KCNK10: variants seen among roughly 807,000 people sequenced by gnomAD.
KCNK10 encodes potassium channel subfamily K member 10.
KCNK10 carries 25 observed loss-of-function variants against 47.7 expected under a neutral mutation model. That is an observed-to-expected ratio of 0.52 (90% CI 0.38 to 0.73). KCNK10 has a LOEUF of 0.73. Ranked by LOEUF, KCNK10 falls within the 30% of genes least tolerant of loss-of-function variation. KCNK10 has a pLI of 0.00. For missense variants in KCNK10, 563 were observed against 714.5 expected, an observed-to-expected ratio of 0.79 and a Z score of 2.42; for synonymous variants, 303 against 285.6, an observed-to-expected ratio of 1.06 and a Z score of -0.61.
At chr14:88,241,909 C>T (rs1291000398) in intron 2 of KCNK10, among the ~76,000 whole-genome samples, 1 of 152,190 alleles carries the variant, frequency 6.6e-6, no homozygotes, top group Non-Finnish European at 1.5e-5. Context: ...TGAGCTGGCC[C>T]CTGCCATCTT....
At chr14:88,220,976 G>C (rs562324929) in intron 4 of KCNK10, among the ~76,000 whole-genome samples, 2 of 151,802 alleles carry the variant, frequency 1.3e-5, no homozygotes, top group South Asian at 4.2e-4. Context: ...AAAATGCAAA[G>C]GATATACTTG....
chr14:88,313,270 GA>G (rs1161309604), intron 1 of KCNK10, among the ~76,000 whole-genome samples: 5 of 152,140 alleles, frequency 3.3e-5, no homozygotes, highest in African/African-American at 7.2e-5. Context: ...TAAATGATAG[GA>G]AAAAATTCTT....
chr14:88,278,324 C>T (rs1887572087), intron 1 of KCNK10, among the ~76,000 whole-genome samples: 1 of 152,188 alleles, frequency 6.6e-6, no homozygotes, highest in Non-Finnish European at 1.5e-5. Context: ...TTCTCCTAGA[C>T]CCTCAGAATC....
chr14:88,307,327 T>TCACACACACACACA (rs112756986), intron 1 of KCNK10, among the ~76,000 whole-genome samples: 1 of 148,850 alleles, frequency 6.7e-6, no homozygotes, highest in South Asian at 2.1e-4. Context: ...AAGAAGCTGA[T>TCACACACACACACA]CACACACACA....
intron 4 of KCNK10, among the ~76,000 whole-genome samples, chr14:88,211,626 G>A (rs1037215301): frequency 1.1e-4 from 17 of 151,964 alleles, no homozygotes; most frequent in African/African-American, 3.9e-4. Context: ...GGCCAGGCGC[G>A]GTGGCTCACG....
rs1884418582 is a variant in KCNK10, at chr14:88,182,923, G to A, written c.*2612C>T. On this transcript the variant is annotated 3_prime_UTR_variant, in exon 7 of 7. Coordinates refer to ENST00000319231, the MANE Select transcript of KCNK10 (RefSeq NM_138317.3). ...TCCAAAACCAAATAAATGTACAGTA[G>A]GTGTCTGCAGGGGCAACCCTTTGAG... 2 of 152,248 alleles carry A rather than the reference G, an allele frequency of 1.3e-5. No homozygotes were observed. Among genetic ancestry groups the A allele is most frequent in the South Asian group, 4.1e-4 (2 of 4,822 alleles). The allele number at this position is 152,248 out of a possible 1,614,324, so 9.4% of individuals were successfully genotyped here.
intron 1 of KCNK10, among the ~76,000 whole-genome samples, chr14:88,266,245 G>A (rs115860726): frequency 3.9e-5 from 6 of 152,204 alleles, no homozygotes; most frequent in South Asian, 2.1e-4. Context: ...GATGAGCAGC[G>A]TCAAATGGCA....
At chr14:88,221,071 G>A (rs1423677803) in intron 4 of KCNK10, among the ~76,000 whole-genome samples, 2 of 151,988 alleles carry the variant, frequency 1.3e-5, no homozygotes, top group African/African-American at 2.4e-5. Flanking sequence ...GGAGACCGAG[G>A]CAGGTGGATC....
chr14:88,222,890 C>T (rs766304745), intron 4 of KCNK10, among the ~76,000 whole-genome samples: 1 of 152,174 alleles, frequency 6.6e-6, no homozygotes, highest in Admixed American at 6.5e-5. Context: ...ATACACCTGA[C>T]ATTGTGGAGC....
intron 1 of KCNK10, among the ~76,000 whole-genome samples, chr14:88,290,203 G>T (rs2139780090): frequency 6.6e-6 from 1 of 152,248 alleles, no homozygotes; most frequent in African/African-American, 2.4e-5. Flanking sequence ...AGGGGGAGCG[G>T]GAGGGCCAGA....
intron 1 of KCNK10, among the ~76,000 whole-genome samples, chr14:88,295,901 C>T (rs1418587319): frequency 6.6e-6 from 1 of 152,144 alleles, no homozygotes; most frequent in Non-Finnish European, 1.5e-5. Context: ...TTAACTACAA[C>T]AGCACTTCTG....
chr14:88,283,104 A>G (rs750598467), intron 1 of KCNK10, among the ~76,000 whole-genome samples: 2 of 152,254 alleles, frequency 1.3e-5, no homozygotes, highest in Non-Finnish European at 2.9e-5. Flanking sequence ...TCCACTGTCT[A>G]CTAAAGAAGA....
At chr14:88,258,307 T>TC (rs1276997785) in intron 2 of KCNK10, among the ~76,000 whole-genome samples, 1 of 149,776 alleles carries the variant, frequency 6.7e-6, no homozygotes, top group African/African-American at 2.5e-5. Flanking sequence ...TTTTTTTTTT[T>TC]CGAGATGGAG....
chr14:88,270,330 G>A (rs1443068110), intron 1 of KCNK10, among the ~76,000 whole-genome samples: 2 of 152,200 alleles, frequency 1.3e-5, no homozygotes, highest in East Asian at 3.9e-4. Flanking sequence ...TGTCCCAGCA[G>A]CTCTTAGAGC....
At chr14:88,292,262 C>T (rs1283366994) in intron 1 of KCNK10, among the ~76,000 whole-genome samples, 7 of 152,204 alleles carry the variant, frequency 4.6e-5, no homozygotes, top group African/African-American at 1.4e-4. Flanking sequence ...CCACGGCCCC[C>T]GCCTTCCCTT....
At chr14:88,302,436 G>T (rs777691659) in intron 1 of KCNK10, among the ~76,000 whole-genome samples, 1 of 152,206 alleles carries the variant, frequency 6.6e-6, no homozygotes, top group Non-Finnish European at 1.5e-5. Context: ...GCGGCCAGGC[G>T]CGGTGGCTTA....
intron 5 of KCNK10, among the ~76,000 whole-genome samples, chr14:88,191,752 G>A (rs1191649372): frequency 6.6e-6 from 1 of 152,158 alleles, no homozygotes; most frequent in Non-Finnish European, 1.5e-5. Context: ...CCTCAGCTTT[G>A]TATCTGGGCA....
At chr14:88,253,846 T>C (rs1258734505) in intron 2 of KCNK10, among the ~76,000 whole-genome samples, 1 of 152,116 alleles carries the variant, frequency 6.6e-6, no homozygotes, top group Non-Finnish European at 1.5e-5. Flanking sequence ...TGCAGTGAGC[T>C]AAGATCTCAC....
intron 2 of KCNK10, among the ~76,000 whole-genome samples, chr14:88,244,497 T>C (rs1410558238): frequency 6.6e-6 from 1 of 152,126 alleles, no homozygotes; most frequent in Admixed American, 6.5e-5. Context: ...TGAAACCCCA[T>C]CTCTACTAAA....
Sources: allele counts gnomAD v4.1 joint callset (sites outside exome capture counted in the v4.1 genomes callset), GRCh38; gene constraint gnomAD v4.1.1; transcripts MANE v1.5; gene names NCBI Gene and HGNC (gene_info 2026-07-23, HGNC 2026-07-21).